ATRX: variants seen among roughly 807,000 people sequenced by gnomAD.
ATRX encodes chromatin remodeler ATRX.
ATRX carries 12 observed loss-of-function variants against 172.6 expected under a neutral mutation model. The ratio of observed to expected loss-of-function variants is 0.07; its 90% CI spans 0.04 to 0.11. ATRX has a LOEUF of 0.11. ATRX is among the 10% of genes least tolerant of loss of function. ATRX has a pLI of 1.00. For synonymous variants in ATRX, 674 were observed against 594.7 expected (o/e 1.13, Z -1.94); for missense variants, 1,368 against 1,767.4 (o/e 0.77, Z 4.05).
intron 1 of ATRX, among the ~76,000 whole-genome samples, chrX:77,734,049 A>C (rs1201720234): frequency 2.8e-5 from 3 of 107,933 alleles, no homozygotes; most frequent in Non-Finnish European, 3.8e-5. Context: ...TAAAAATACG[A>C]AAAAAAAATT....
chrX:77,539,887 G>A (rs373184619), intron 30 of ATRX, among the ~76,000 whole-genome samples: 5 of 111,676 alleles, frequency 4.5e-5, no homozygotes, highest in South Asian at 3.7e-4. Context: ...GACCATCAAC[G>A]CTATGAAGAA....
At chrX:77,519,749 G>C in intron 34 of ATRX, among the ~76,000 whole-genome samples, 1 of 111,559 alleles carries the variant, frequency 9.0e-6, no homozygotes, top group African/African-American at 3.3e-5. Context: ...CGGTTTGGAG[G>C]TTCCTCAGAA....
intron 34 of ATRX, among the ~76,000 whole-genome samples, chrX:77,514,988 G>A (rs2063002945): frequency 8.9e-6 from 1 of 112,091 alleles, no homozygotes; most frequent in Non-Finnish European, 1.9e-5. Flanking sequence ...CACACACGTG[G>A]CCAACAATCA....
intron 22 of ATRX, among the ~76,000 whole-genome samples, chrX:77,605,401 C>G (rs2066867827): frequency 9.0e-6 from 1 of 110,829 alleles, no homozygotes. Flanking sequence ...GCACTCCAGC[C>G]TGGGTGATGG....
chrX:77,638,270 T>G (rs782451566), intron 15 of ATRX, among the ~76,000 whole-genome samples: 1 of 112,087 alleles, frequency 8.9e-6, no homozygotes, highest in African/African-American at 3.2e-5. Context: ...GAGACCAACC[T>G]GGTCAATATG....
intron 30 of ATRX, among the ~76,000 whole-genome samples, chrX:77,535,027 T>C (rs2063702000): frequency 8.9e-6 from 1 of 112,042 alleles, no homozygotes; most frequent in Non-Finnish European, 1.9e-5. Context: ...CAAAAAGCTA[T>C]GAAAAATTCC....
chrX:77,732,144 G>A (rs782621438), intron 1 of ATRX, among the ~76,000 whole-genome samples: 12 of 111,658 alleles, frequency 1.1e-4, no homozygotes, highest in East Asian at 5.7e-4. Flanking sequence ...GCACAGGCCT[G>A]CTCCTGCTGG....
chrX:77,715,949 C>A (rs1225174208), intron 2 of ATRX, among the ~76,000 whole-genome samples: 1 of 109,024 alleles, frequency 9.2e-6, no homozygotes, highest in African/African-American at 3.3e-5. Flanking sequence ...CCTGAAAATG[C>A]TAACTGTCAC....
chrX:77,618,162 T>C lies in ATRX; in HGVS notation c.5448+644A>G, dbSNP rs377318811. ...CAAACTGTATATCCAACCAAAAGAA[T>C]AGCCTGTCTCATTTGTTAAAACATC... is the stretch of plus-strand genomic sequence containing the variant. On this transcript the variant is annotated intron_variant, in intron 21 of 34. Coordinates refer to ENST00000373344, the MANE Select transcript of ATRX (RefSeq NM_000489.6). Among the ~76,000 whole-genome samples, 59 of 112,431 alleles carry C rather than the reference T, an allele frequency of 5.2e-4. No individual in the cohort carries two copies. In the Middle Eastern group the frequency reaches 0.023, roughly 44 times the overall value.
chrX:77,557,405 C>T (rs782270866), intron 30 of ATRX, 46 bp downstream of exon 30: 19 of 1,154,063 alleles, frequency 1.6e-5, no homozygotes, highest in Non-Finnish European at 2.0e-5. Flanking sequence ...GTAAAATTTC[C>T]TTAGTCCACG....
At chrX:77,716,128 TTTTTTTTTTTTTTTTTTG>T (rs1262146373) in intron 2 of ATRX, among the ~76,000 whole-genome samples, 477 of 20,106 alleles carry the variant, frequency 0.024, 4 homozygotes, top group Non-Finnish European at 0.056. Flanking sequence ...TTTTTTTTTT[TTTTTTTTTTTTTTTTTTG>T]AAATTAACCA....
intron 30 of ATRX, among the ~76,000 whole-genome samples, chrX:77,541,332 CACAA>C (rs1441060528): frequency 2.7e-5 from 3 of 111,488 alleles, no homozygotes; most frequent in African/African-American, 9.8e-5. Flanking sequence ...ATTAATAGCC[CACAA>C]ACAAAAGGAA....
chrX:77,529,173 C>T (rs781942412), intron 30 of ATRX, among the ~76,000 whole-genome samples: 2 of 111,779 alleles, frequency 1.8e-5, no homozygotes, highest in Non-Finnish European at 3.8e-5. Flanking sequence ...ACCAAACCTA[C>T]GACTGACTGG....
intron 7 of ATRX, among the ~76,000 whole-genome samples, chrX:77,685,936 G>A (rs782238002): frequency 8.9e-6 from 1 of 112,114 alleles, no homozygotes; most frequent in Admixed American, 9.5e-5. Context: ...AAATAAGCCA[G>A]GCACAGAAAG....
intron 28 of ATRX, among the ~76,000 whole-genome samples, chrX:77,568,134 C>A (rs1309929973): frequency 2.9e-4 from 27 of 92,298 alleles, no homozygotes; most frequent in Non-Finnish European, 5.3e-4. Context: ...CAAAACAAAC[C>A]AAAAGCAAGA....
intron 22 of ATRX, among the ~76,000 whole-genome samples, chrX:77,605,100 T>C (rs1324920488): frequency 8.9e-6 from 1 of 112,101 alleles, no homozygotes; most frequent in African/African-American, 3.2e-5. Context: ...CACTATAATA[T>C]ATCCATGTAA....
chrX:77,674,416 G>T (rs1255760992), intron 10 of ATRX: 3 of 111,168 alleles, frequency 2.7e-5, no homozygotes, highest in Non-Finnish European at 5.7e-5. Flanking sequence ...ACATGCTCAA[G>T]ATAAAATTCA....
intron 10 of ATRX, among the ~76,000 whole-genome samples, chrX:77,665,409 G>A (rs948681408): frequency 9.0e-6 from 1 of 111,456 alleles, no homozygotes; most frequent in African/African-American, 3.3e-5. Context: ...GAAGGGACAT[G>A]AGTGCTATTA....
At chrX:77,648,327 C>T (rs2069019837) in intron 15 of ATRX, among the ~76,000 whole-genome samples, 1 of 110,725 alleles carries the variant, frequency 9.0e-6, no homozygotes, top group South Asian at 3.9e-4. Context: ...ATTGAACATC[C>T]ACCAAGACAG....
Sources: allele counts gnomAD v4.1 joint callset (sites outside exome capture counted in the v4.1 genomes callset), GRCh38; gene constraint gnomAD v4.1.1; transcripts MANE v1.5; gene names NCBI Gene and HGNC (gene_info 2026-07-23, HGNC 2026-07-21).